The following HOPX variants were observed in gnomAD, a reference collection of about 807,000 sequenced individuals.
HOPX encodes HOP homeobox.
Under a neutral mutation model 11.8 loss-of-function variants are expected in HOPX, and 5 were observed. The observed-to-expected ratio is 0.43, with a 90% CI of 0.22 to 0.89. The LOEUF (loss-of-function observed/expected upper bound fraction) is 0.89, where lower values mean the gene tolerates loss of function less well. HOPX is among the 40% of genes least tolerant of loss of function. HOPX has a pLI of 0.28. For missense variants in HOPX, 119 were observed against 120.0 expected (o/e 0.99, Z 0.04); for synonymous variants, 49 against 49.7 (o/e 0.99, Z 0.06).
chr4:56,664,690 G>A (rs1718340595), intron 1 of HOPX: 1 of 152,088 alleles, frequency 6.6e-6, no homozygotes, highest in Non-Finnish European at 1.5e-5. Flanking sequence ...GATATCTTAA[G>A]CATGTTTTCT....
At chr4:56,656,956 A>G (rs796378992) in intron 2 of HOPX, among the ~76,000 whole-genome samples, 57 of 152,266 alleles carry the variant, frequency 3.7e-4, no homozygotes, top group African/African-American at 1.4e-3. Flanking sequence ...GTCTTTTAAA[A>G]TTTCAGACTT....
chr4:56,660,617 C>A (rs1718064320), intron 1 of HOPX, among the ~76,000 whole-genome samples: 1 of 152,164 alleles, frequency 6.6e-6, no homozygotes, highest in East Asian at 1.9e-4. Flanking sequence ...CAGTTGTCCA[C>A]CTTGCTCAAA....
At position 56,650,812 on chromosome 4, in the gene HOPX, C is replaced by A. The variant is rs1247346134; in HGVS notation, c.199-2015G>T. 3.2e-6 allele frequency: 5 copies of A among 1,543,852 alleles called. No individual in the cohort carries two copies. Among genetic ancestry groups the A allele is most frequent in the Non-Finnish European group, 4.4e-6 (5 of 1,143,744 alleles). Reference sequence around the variant, plus strand: ...TTGCTCCTGGAGATCAAATCACTACCCTTCATGAGAAGAGAGAACTCATGT... The same window carrying A: ...TTGCTCCTGGAGATCAAATCACTACACTTCATGAGAAGAGAGAACTCATGT... On this transcript the variant is annotated intron_variant, in intron 3 of 3. Transcript: ENST00000420433.
chr4:56,681,067 G>A (rs549332227), intron 1 of HOPX, 188 bp downstream of exon 1: 32 of 984,918 alleles, frequency 3.2e-5, no homozygotes, highest in Non-Finnish European at 3.7e-5. Flanking sequence ...TGTTTGTAAG[G>A]GACTGATGTC....
At position 56,656,131 on chromosome 4, in the gene HOPX, T is replaced by C. The variant is rs1399895847; in HGVS notation, c.43-119A>G. 9.0e-6 allele frequency: 11 copies of C among 1,224,264 alleles called. No homozygotes were observed. The East Asian group carries it at 1.0e-4, about 11-fold the overall frequency. 75.8% of individuals were successfully genotyped at this position (1,224,264 alleles called of 1,614,324 possible). Reference sequence around the variant, plus strand: ...AGCCCCAGGCCGCCCCCTCCAGCGGTGCCACGGCCGCGCAAGTCCCCGGTG... The same window carrying C: ...AGCCCCAGGCCGCCCCCTCCAGCGGCGCCACGGCCGCGCAAGTCCCCGGTG... On this transcript the variant is annotated intron_variant, in intron 2 of 3. Transcript: ENST00000420433.
At chr4:56,667,386 G>T (rs141210686) in intron 1 of HOPX, among the ~76,000 whole-genome samples, 2,161 of 152,232 alleles carry the variant, frequency 0.014, 64 homozygotes, top group Admixed American at 0.073. Flanking sequence ...AGTTTGAAAA[G>T]CCCTGAGTGC....
chr4:56,653,061 G>A (rs1200833659), intron 3 of HOPX, among the ~76,000 whole-genome samples: 1 of 152,032 alleles, frequency 6.6e-6, no homozygotes, highest in African/African-American at 2.4e-5. Flanking sequence ...TTTGAGACAG[G>A]TTCTCCCTCT....
chr4:56,650,456 T>C (rs563321610), intron 3 of HOPX: 3 of 510,912 alleles, frequency 5.9e-6, no homozygotes, highest in South Asian at 5.0e-5. Flanking sequence ...ATTCAGTATA[T>C]AAGCCCAAGA....
intron 3 of HOPX, chr4:56,650,691 TG>T (rs1360360083): frequency 6.4e-7 from 1 of 1,551,758 alleles, no homozygotes; most frequent in Non-Finnish European, 8.7e-7. Flanking sequence ...ACCTTTACAC[TG>T]GGGCGGCAGT....
intron 1 of HOPX, among the ~76,000 whole-genome samples, chr4:56,658,257 T>A (rs899375392): frequency 6.6e-6 from 1 of 152,264 alleles, no homozygotes; most frequent in African/African-American, 2.4e-5. Flanking sequence ...ATTCCTGTTA[T>A]AACACTCAAG....
chr4:56,670,976 GAAAA>G, intron 1 of HOPX, among the ~76,000 whole-genome samples: 1 of 138,092 alleles, frequency 7.2e-6, no homozygotes, highest in East Asian at 2.1e-4. Flanking sequence ...CAGCCTGGGT[GAAAA>G]AAAAAAAAAA....
intron 1 of HOPX, chr4:56,680,002 T>G (rs1325206449): frequency 2.0e-5 from 3 of 152,176 alleles, no homozygotes; most frequent in Admixed American, 1.3e-4. Context: ...TTGATTGACA[T>G]AAGACCTTCA....
chr4:56,655,790 C>G, intron 3 of HOPX, 67 bp downstream of exon 3: 9 of 1,511,252 alleles, frequency 6.0e-6, no homozygotes, highest in Non-Finnish European at 8.0e-6. Flanking sequence ...CGAACAGGAC[C>G]GCCCAGCCGC....
chr4:56,672,609 AT>A (rs1718798916), intron 1 of HOPX: 2 of 151,824 alleles, frequency 1.3e-5, no homozygotes, highest in Admixed American at 1.3e-4. Context: ...GCTAAATTTG[AT>A]TGGCTAAAAA....
chr4:56,667,105 C>T (rs1341924877), intron 1 of HOPX, among the ~76,000 whole-genome samples: 1 of 152,136 alleles, frequency 6.6e-6, no homozygotes, highest in East Asian at 1.9e-4. Flanking sequence ...TCAACGTGTC[C>T]AGGTATCCAG....
At chr4:56,670,856 G>A (rs184925347) in intron 1 of HOPX, among the ~76,000 whole-genome samples, 12 of 152,142 alleles carry the variant, frequency 7.9e-5, no homozygotes, top group African/African-American at 2.9e-4. Context: ...AATTAGCCAG[G>A]CATGATGGCA....
At chr4:56,672,811 A>AT (rs869133328) in intron 1 of HOPX, 1 of 151,968 alleles carries the variant, frequency 6.6e-6, no homozygotes, top group East Asian at 1.9e-4. Context: ...GCTAAAAAAA[A>AT]TTTTTTTAAT....
upstream of HOPX, chr4:56,681,520 G>T (rs919348653): frequency 1.0e-6 from 1 of 999,232 alleles, no homozygotes; most frequent in African/African-American, 1.7e-5. Context: ...GAACTTTCTC[G>T]TCACTATCTT....
chr4:56,671,136 G>T (rs1192738879), intron 1 of HOPX, among the ~76,000 whole-genome samples: 1 of 152,018 alleles, frequency 6.6e-6, no homozygotes, highest in Non-Finnish European at 1.5e-5. Context: ...GAAAAGAGCT[G>T]TTCATTTGTA....
Sources: allele counts gnomAD v4.1 joint callset (sites outside exome capture counted in the v4.1 genomes callset), GRCh38; gene constraint gnomAD v4.1.1; transcripts MANE v1.5; gene names NCBI Gene and HGNC (gene_info 2026-07-23, HGNC 2026-07-21).